IRAK2: variants seen among roughly 807,000 people sequenced by gnomAD.
The protein encoded by IRAK2 is interleukin 1 receptor associated kinase 2.
A neutral mutation model predicts 72.0 loss-of-function variants in IRAK2; 57 were observed. The ratio of observed to expected loss-of-function variants is 0.79; its 90% CI spans 0.64 to 0.99. The LOEUF (loss-of-function observed/expected upper bound fraction) is 0.99, where lower values mean the gene tolerates loss of function less well. IRAK2 is among the 50% of genes least tolerant of loss of function. The probability of loss-of-function intolerance (pLI) is 0.00; values close to 1 mark genes in which losing one functional copy is unlikely to be tolerated. For missense variants in IRAK2, 790 were observed against 794.4 expected (o/e 0.99, Z 0.07); for synonymous variants, 293 against 312.7 (o/e 0.94, Z 0.67).
intron 2 of IRAK2, among the ~76,000 whole-genome samples, chr3:10,198,141 G>A (rs1697301195): frequency 6.6e-6 from 1 of 152,202 alleles, no homozygotes; most frequent in Non-Finnish European, 1.5e-5. Flanking sequence ...GGAGCTTGCA[G>A]TGAGCCAAGA....
intron 3 of IRAK2, among the ~76,000 whole-genome samples, chr3:10,209,164 C>T (rs1697480427): frequency 6.6e-6 from 1 of 152,154 alleles, no homozygotes; most frequent in African/African-American, 2.4e-5. Flanking sequence ...GTTACTGCAT[C>T]CCTGCCCTGG....
intron 2 of IRAK2, among the ~76,000 whole-genome samples, chr3:10,185,096 A>G (rs1185648610): frequency 6.6e-6 from 1 of 151,198 alleles, no homozygotes. Context: ...CTTGGTTCTC[A>G]GTGATCTGTG....
At chr3:10,167,673 C>T (rs1216501167) in intron 1 of IRAK2, among the ~76,000 whole-genome samples, 2 of 152,314 alleles carry the variant, frequency 1.3e-5, no homozygotes, top group African/African-American at 4.8e-5. Context: ...CCTCGGCTTC[C>T]CAAAGTGCTG....
rs1229422044 is a variant in IRAK2, at chr3:10,207,551, CT to C, written c.425-2037del. On this transcript the variant is annotated intron_variant, in intron 3 of 12. Coordinates refer to ENST00000256458, the MANE Select transcript of IRAK2 (RefSeq NM_001570.4). ...TGCCTGCGCCCACCGAGGAGCCCCC[CT>C]ACCAGATGGCCTCATTAGTCTTCAG... is the stretch of plus-strand genomic sequence containing the variant. Among the ~76,000 whole-genome samples, 6 of 152,294 alleles carry C rather than the reference CT, an allele frequency of 3.9e-5. No individual in the cohort carries two copies. In the East Asian group the frequency reaches 1.2e-3, roughly 29 times the overall value.
intron 1 of IRAK2, among the ~76,000 whole-genome samples, chr3:10,171,344 A>G (rs1172382231): frequency 1.3e-5 from 2 of 152,094 alleles, no homozygotes; most frequent in African/African-American, 2.4e-5. Context: ...TTCCTCATCC[A>G]TGAAGCACCC....
At chr3:10,197,922 G>A (rs1043084261) in intron 2 of IRAK2, among the ~76,000 whole-genome samples, 3 of 145,166 alleles carry the variant, frequency 2.1e-5, no homozygotes, top group African/African-American at 5.0e-5. Flanking sequence ...CACTCAGGCC[G>A]GGCGCAGTGG....
At chr3:10,213,597 T>G (rs1443147996) in intron 6 of IRAK2, 49 bp downstream of exon 6, 1 of 1,405,474 alleles carries the variant, frequency 7.1e-7, no homozygotes, top group Non-Finnish European at 1.0e-6. Context: ...CTTTATATAG[T>G]GCTTCCTGTG....
intron 11 of IRAK2, among the ~76,000 whole-genome samples, chr3:10,237,906 G>T (rs1329051889): frequency 6.7e-6 from 1 of 150,224 alleles, no homozygotes; most frequent in Non-Finnish European, 1.5e-5. Flanking sequence ...GTTATTACGG[G>T]TATAAGGGTA....
intron 9 of IRAK2, among the ~76,000 whole-genome samples, chr3:10,224,967 G>C (rs943870381): frequency 1.2e-4 from 18 of 151,360 alleles, no homozygotes; most frequent in Non-Finnish European, 2.7e-4. Flanking sequence ...CTCAGAGCCT[G>C]CTCTGTGAAA....
At chr3:10,234,811 G>A (rs576279095) in intron 11 of IRAK2, 152 bp downstream of exon 11, 2 of 723,150 alleles carry the variant, frequency 2.8e-6, no homozygotes, top group Admixed American at 2.6e-5. Flanking sequence ...GCCAAAGGGC[G>A]GTGTAGGGAT....
At chr3:10,228,233 T>TTTTA (rs1461407535) in intron 10 of IRAK2, among the ~76,000 whole-genome samples, 11 of 152,200 alleles carry the variant, frequency 7.2e-5, no homozygotes, top group South Asian at 2.1e-4. Context: ...CAGATTATTA[T>TTTTA]TTTATTTATT....
intron 10 of IRAK2, among the ~76,000 whole-genome samples, chr3:10,234,140 G>A (rs1416167262): frequency 1.3e-5 from 2 of 152,152 alleles, no homozygotes; most frequent in Non-Finnish European, 2.9e-5. Flanking sequence ...AAGATTACAG[G>A]CTTGAGCCAC....
chr3:10,185,028 GCC>G (rs1697032465), intron 2 of IRAK2, among the ~76,000 whole-genome samples: 1 of 151,152 alleles, frequency 6.6e-6, no homozygotes, highest in Non-Finnish European at 1.5e-5. Flanking sequence ...CCTGCGCCGG[GCC>G]AAAACTCCAT....
rs59718922 is a variant in IRAK2 at position 10,175,890 on chromosome 3, CAAA to C, written c.95-1927_95-1925del. ...TGGGTGACAGAGCGAGACTCCGTCT[CAAA>C]AAAAAAAAAAAAAAAAAAAAGAAAA... On this transcript the variant is annotated intron_variant, in intron 1 of 12. Coordinates refer to ENST00000256458, the MANE Select transcript of IRAK2 (RefSeq NM_001570.4). 1.1e-4 allele frequency among the ~76,000 whole-genome samples: 6 copies of C among 53,712 alleles called. No homozygotes were observed. The East Asian group carries it at 2.1e-3, about 18-fold the overall frequency. 35.2% of individuals were successfully genotyped at this position (53,712 alleles called of 152,430 possible).
At position 10,206,929 on chromosome 3, in the gene IRAK2, C is replaced by T. The variant is rs369475428; in HGVS notation, c.425-2660C>T. Among the ~76,000 whole-genome samples the T allele has an allele frequency of 2.2e-3, 334 of 150,706 alleles. 1 individual carries two copies. The highest frequency in any genetic ancestry group is 3.9e-3 in the Non-Finnish European group (265 of 67,750). On this transcript the variant is annotated intron_variant, in intron 3 of 12. Coordinates refer to ENST00000256458, the MANE Select transcript of IRAK2 (RefSeq NM_001570.4). ...GAGTGCAGTGGCACAGCTCAGCTCA[C>T]GGCAACCTTTGCCTCCCTGGTTCAA...
chr3:10,187,745 T>C (rs113404120), intron 2 of IRAK2, among the ~76,000 whole-genome samples: 2 of 152,310 alleles, frequency 1.3e-5, no homozygotes, highest in African/African-American at 4.8e-5. Context: ...TCCTTTTCAT[T>C]TGATACTGAT....
intron 3 of IRAK2, among the ~76,000 whole-genome samples, chr3:10,209,332 C>T (rs982649672): frequency 6.6e-6 from 1 of 152,190 alleles, no homozygotes; most frequent in Non-Finnish European, 1.5e-5. Flanking sequence ...CTGAGCACTG[C>T]GTCTACCTCC....
At chr3:10,242,007 T>C (rs1698068178) in intron 12 of IRAK2, 109 bp from the exon 13 acceptor site, 2 of 546,494 alleles carry the variant, frequency 3.7e-6, no homozygotes, top group Admixed American at 3.2e-5. Context: ...AAAGAAATGC[T>C]CATTACACTC....
At chr3:10,167,889 C>T (rs1299045950) in intron 1 of IRAK2, among the ~76,000 whole-genome samples, 7 of 152,220 alleles carry the variant, frequency 4.6e-5, no homozygotes, top group Non-Finnish European at 1.5e-5. Flanking sequence ...ACCGCAGCCC[C>T]AACTTCCTGG....
Sources: gnomAD v4.1 joint callset for allele counts (sites outside exome capture counted in the v4.1 genomes callset) on GRCh38, gnomAD v4.1.1 for gene constraint, MANE v1.5 for transcripts, NCBI Gene and HGNC (gene_info 2026-07-23, HGNC 2026-07-21) for gene names.